Variants in HIVEP2 observed in about 807,000 individuals in gnomAD.
The protein encoded by HIVEP2 is transcription factor HIVEP2.
Under a neutral mutation model 180.7 loss-of-function variants are expected in HIVEP2, and 14 were observed. The ratio of observed to expected loss-of-function variants is 0.08; its 90% CI spans 0.05 to 0.12. HIVEP2 has a LOEUF of 0.12. Among genes scored for constraint, HIVEP2 ranks in the 10% least tolerant of loss-of-function variants. The probability of loss-of-function intolerance (pLI) is 1.00; values close to 1 mark genes in which losing one functional copy is unlikely to be tolerated. For missense variants in HIVEP2, 2,579 were observed against 3,008.5 expected (o/e 0.86, Z 3.34); for synonymous variants, 1,184 against 1,136.4 (o/e 1.04, Z -0.84).
intron 6 of HIVEP2, among the ~76,000 whole-genome samples, chr6:142,766,570 C>T (rs982349375): frequency 3.9e-5 from 6 of 152,126 alleles, no homozygotes; most frequent in African/African-American, 1.4e-4. Flanking sequence ...TATAGCCTGC[C>T]ATCATAGTGA....
chr6:142,917,926 C>T (rs1387049463), intron 1 of HIVEP2, among the ~76,000 whole-genome samples: 1 of 152,200 alleles, frequency 6.6e-6, no homozygotes, highest in East Asian at 1.9e-4. Context: ...CAGGCATGCA[C>T]CACCACGCCT....
intron 1 of HIVEP2, among the ~76,000 whole-genome samples, chr6:142,837,898 A>T (rs558491593): frequency 7.9e-5 from 12 of 152,080 alleles, no homozygotes; most frequent in Non-Finnish European, 1.6e-4. Flanking sequence ...GTATGTTCAA[A>T]CATACTAATA....
intron 1 of HIVEP2, among the ~76,000 whole-genome samples, chr6:142,842,100 A>G (rs1423741604): frequency 6.6e-6 from 1 of 152,190 alleles, no homozygotes; most frequent in South Asian, 2.1e-4. Flanking sequence ...GAATATTTAC[A>G]TGACAAAGCC....
intron 1 of HIVEP2, among the ~76,000 whole-genome samples, chr6:142,872,338 C>T (rs146037530): frequency 3.3e-5 from 5 of 152,242 alleles, no homozygotes; most frequent in East Asian, 1.9e-4. Flanking sequence ...TCTTTGGAAT[C>T]GCTTCCATAA....
chr6:142,849,577 C>T (rs903853980), intron 1 of HIVEP2, among the ~76,000 whole-genome samples: 3 of 151,736 alleles, frequency 2.0e-5, no homozygotes, highest in Non-Finnish European at 2.9e-5. Flanking sequence ...TGCAGTGGCA[C>T]GATCAAGGCT....
At chr6:142,833,939 G>T (rs967194123) in intron 2 of HIVEP2, among the ~76,000 whole-genome samples, 38 of 152,266 alleles carry the variant, frequency 2.5e-4, no homozygotes, top group African/African-American at 9.1e-4. Context: ...AGACTTGTAT[G>T]CATCTGAAGA....
Position 142,773,069 on chromosome 6 carries a change from G to A in HIVEP2, c.1670C>T (p.Pro557Leu). 4 of 1,614,242 alleles carry A rather than the reference G, an allele frequency of 2.5e-6. No homozygotes were observed. In the South Asian group the frequency reaches 4.4e-5, roughly 18 times the overall value. Reference protein sequence around the residue: ...PTSSATNLTIPPSLRGSHSFD... With the variant: ...PTSSATNLTILPSLRGSHSFD... ...TGAGTGACTTCCTCTCAAAGAAGGA[G>A]GAATAGTTAGATTAGTTGCTGAAGA... Residue 557 changes from proline to leucine, a missense_variant, in exon 5 of 10, where the codon CCT becomes CTT. Transcript: ENST00000367603.
At chr6:142,801,718 G>A (rs551999829) in intron 2 of HIVEP2, among the ~76,000 whole-genome samples, 2 of 152,150 alleles carry the variant, frequency 1.3e-5, no homozygotes, top group Non-Finnish European at 2.9e-5. Context: ...TAAGAACTAA[G>A]TGAATCTCCA....
At chr6:142,866,720 G>T (rs107119) in intron 1 of HIVEP2, among the ~76,000 whole-genome samples, 23 of 151,844 alleles carry the variant, frequency 1.5e-4, no homozygotes, top group African/African-American at 5.3e-4. Flanking sequence ...CTGTGGAAAG[G>T]GCTTTCTCTT....
intron 1 of HIVEP2, among the ~76,000 whole-genome samples, chr6:142,934,376 C>T (rs1582976677): frequency 1.3e-5 from 2 of 152,264 alleles, no homozygotes; most frequent in South Asian, 4.1e-4. Context: ...ATAAGGCAAG[C>T]AATCAACTAG....
chr6:142,907,818 A>G (rs1777305992), intron 1 of HIVEP2, among the ~76,000 whole-genome samples: 1 of 152,202 alleles, frequency 6.6e-6, no homozygotes, highest in Non-Finnish European at 1.5e-5. Context: ...CTCCAATTGT[A>G]CTTTGATGGC....
intron 1 of HIVEP2, among the ~76,000 whole-genome samples, chr6:142,861,073 C>T (rs185855229): frequency 6.6e-6 from 1 of 152,140 alleles, no homozygotes; most frequent in African/African-American, 2.4e-5. Flanking sequence ...CATCAGATAG[C>T]AGAAACATCA....
chr6:142,850,527 T>C (rs533353105), intron 1 of HIVEP2, among the ~76,000 whole-genome samples: 7 of 152,334 alleles, frequency 4.6e-5, no homozygotes, highest in Non-Finnish European at 8.8e-5. Context: ...TTAGAGATCA[T>C]CCACTTAAAT....
At chr6:142,839,342 TTTTAA>T (rs1775306082) in intron 1 of HIVEP2, among the ~76,000 whole-genome samples, 1 of 152,082 alleles carries the variant, frequency 6.6e-6, no homozygotes, top group African/African-American at 2.4e-5. Context: ...ACTTCCTTAC[TTTTAA>T]TTTGTTTGTA....
intron 1 of HIVEP2, among the ~76,000 whole-genome samples, chr6:142,928,794 C>G (rs1265430911): frequency 6.6e-6 from 1 of 152,194 alleles, no homozygotes; most frequent in African/African-American, 2.4e-5. Context: ...TGCTGAAAAG[C>G]AATCGCAAAC....
At chr6:142,933,083 T>C (rs921878686) in intron 1 of HIVEP2, among the ~76,000 whole-genome samples, 4 of 152,214 alleles carry the variant, frequency 2.6e-5, no homozygotes, top group Admixed American at 2.6e-4. Context: ...GGACCGATGA[T>C]GCAGCCTGCT....
chr6:142,774,292 A>G lies in HIVEP2; in HGVS notation c.447T>C (p.Gly149=). The G allele has an allele frequency of 1.2e-6, 2 of 1,614,174 alleles. No homozygotes were observed. The highest frequency in any genetic ancestry group is 1.7e-6 in the Non-Finnish European group (2 of 1,180,034). The change falls in exon 5 of 10, where the codon GGT becomes GGC. Residue 149 remains glycine (G), a synonymous_variant. Coordinates refer to ENST00000367603, the MANE Select transcript of HIVEP2 (RefSeq NM_006734.4). The surrounding 1 kb of genome is among the most constrained non-coding windows in gnomAD (Gnocchi z 5.1). Reference sequence around the variant, plus strand: ...GACTTGAAATCTTTTTTCTAGGATAACCACCACTGTGGCCATGTATAGGAA... The same window carrying G: ...GACTTGAAATCTTTTTTCTAGGATAGCCACCACTGTGGCCATGTATAGGAA... ...FPFPIHGHSG[G]YPRKKISSLN... is the part of the protein sequence containing the mutation.
intron 2 of HIVEP2, among the ~76,000 whole-genome samples, chr6:142,816,119 G>A (rs1776828016): frequency 6.6e-6 from 1 of 152,134 alleles, no homozygotes; most frequent in African/African-American, 2.4e-5. Context: ...GTACATGAGT[G>A]CAGTAAAAAA....
rs1046906096 is a variant in HIVEP2 at position 142,943,323 on chromosome 6, A to G, written c.-641+1776T>C. ...CATATGTAGCAAACATATGGGATCT[A>G]TATGTGCAAATATTTAAAATAACTT... On this transcript the variant is annotated intron_variant, in intron 1 of 9. Coordinates refer to ENST00000367603, the MANE Select transcript of HIVEP2 (RefSeq NM_006734.4). This position sits in a 1 kb window ranked among gnomAD's most constrained non-coding sequence, Gnocchi z 4.5. Among the ~76,000 whole-genome samples the G allele has an allele frequency of 3.9e-5, 6 of 152,200 alleles. No individual in the cohort carries two copies. The highest frequency in any genetic ancestry group is 1.4e-4 in the African/African-American group (6 of 41,442).
Sources: gnomAD v4.1 joint callset for allele counts (sites outside exome capture counted in the v4.1 genomes callset) on GRCh38, gnomAD v4.1.1 for gene constraint, Gnocchi (gnomAD v3.1) non-coding constraint, MANE v1.5 for transcripts, NCBI Gene and HGNC (gene_info 2026-07-23, HGNC 2026-07-21) for gene names.